Variants in SNX30 observed in about 807,000 individuals in gnomAD.
The protein encoded by SNX30 is sorting nexin-30.
Under a neutral mutation model 46.4 loss-of-function variants are expected in SNX30, and 24 were observed. The ratio of observed to expected loss-of-function variants is 0.52; its 90% confidence interval spans 0.37 to 0.73. The LOEUF (loss-of-function observed/expected upper bound fraction) is 0.73. Among genes scored for constraint, SNX30 ranks in the 30% least tolerant of loss-of-function variants. The pLI, the probability that SNX30 is intolerant of heterozygous loss-of-function variation, is 0.00. For missense variants in SNX30, 533 were observed against 555.7 expected, an observed-to-expected ratio of 0.96 and a Z score of 0.41; for synonymous variants, 189 against 211.5, an observed-to-expected ratio of 0.89 and a Z score of 0.92.
At chr9:112,774,198 C>T (rs986326354) in intron 1 of SNX30, among the ~76,000 whole-genome samples, 1 of 152,010 alleles carries the variant, frequency 6.6e-6, no homozygotes, top group Non-Finnish European at 1.5e-5. Flanking sequence ...TTCTGTTTCT[C>T]TTCTTCTACC....
In SNX30 at chr9:112,864,228, G is replaced by A. The variant is rs780000058; in HGVS notation, c.1102-19G>A. 4.4e-5 allele frequency: 71 copies of A among 1,613,064 alleles called. No individual in the cohort carries two copies. Among genetic ancestry groups the A allele is most frequent in the Admixed American group, 3.5e-4 (21 of 60,004 alleles). ...CCAGTTTTGTGTGCAGGGCACCCATGTGTGCCTCCCTTTTCCAGGTACCGG... is the reference window on the plus strand; with the variant it reads ...CCAGTTTTGTGTGCAGGGCACCCATATGTGCCTCCCTTTTCCAGGTACCGG... On this transcript the variant is annotated intron_variant, in intron 7 of 8. Transcript: ENST00000374232.
Position 112,838,500 on chromosome 9 carries a change from T to C in SNX30, c.817T>C (p.Tyr273His). ...AQRIIKEEIEYLVELREYGPV... is the reference protein window; with the variant it reads ...AQRIIKEEIEHLVELREYGPV... Reference sequence around the variant, plus strand: ...ATTAGTTTCTGTTCCCTGTTCAGAGTACCTTGTGGAGCTGAGAGAATACGG... The same window carrying C: ...ATTAGTTTCTGTTCCCTGTTCAGAGCACCTTGTGGAGCTGAGAGAATACGG... Residue 273 changes from tyrosine to histidine, a missense_variant and splice_region_variant, in exon 6 of 9, where the codon TAC becomes CAC. By Grantham distance (83) the Tyr-to-His change is moderately conservative. Transcript: ENST00000374232. 1 of 1,608,704 alleles carries C rather than the reference T, an allele frequency of 6.2e-7. No individual in the cohort carries two copies. Among genetic ancestry groups the C allele is most frequent in the Non-Finnish European group, 8.5e-7 (1 of 1,176,826 alleles).
intron 1 of SNX30, among the ~76,000 whole-genome samples, chr9:112,797,895 G>A (rs1201082870): frequency 1.0e-5 from 1 of 98,190 alleles, no homozygotes; most frequent in African/African-American, 3.7e-5. Context: ...TTTTTTTTTA[G>A]TAGAGACGAT....
chr9:112,845,980 A>G (rs10981527), intron 6 of SNX30, among the ~76,000 whole-genome samples: 2,661 of 152,326 alleles, frequency 0.017, 60 homozygotes, highest in East Asian at 0.12. Flanking sequence ...ATATTTTCCA[A>G]AAGAGAAGAT....
At chr9:112,796,930 C>T (rs1840116734) in intron 1 of SNX30, among the ~76,000 whole-genome samples, 1 of 152,134 alleles carries the variant, frequency 6.6e-6, no homozygotes, top group African/African-American at 2.4e-5. Flanking sequence ...AACTCACCTG[C>T]AAAACTCCAA....
At chr9:112,757,206 T>C (rs1425877666) in intron 1 of SNX30, among the ~76,000 whole-genome samples, 1 of 152,234 alleles carries the variant, frequency 6.6e-6, no homozygotes, top group East Asian at 1.9e-4. Context: ...TATATTTGAA[T>C]TTTTTTAAAG....
At chr9:112,875,287 C>T (rs1006649605), downstream of SNX30, 3 of 152,192 alleles carry the variant, frequency 2.0e-5, no homozygotes, top group African/African-American at 7.2e-5. Flanking sequence ...CGACAGCCAG[C>T]TGAGGTATTT....
intron 7 of SNX30, among the ~76,000 whole-genome samples, chr9:112,860,748 A>T (rs1841212318): frequency 6.6e-6 from 1 of 152,232 alleles, no homozygotes; most frequent in Non-Finnish European, 1.5e-5. Context: ...GAGAACATAT[A>T]ATAATATAGT....
At chr9:112,787,272 A>G (rs1026360191) in intron 1 of SNX30, among the ~76,000 whole-genome samples, 6 of 152,242 alleles carry the variant, frequency 3.9e-5, no homozygotes, top group African/African-American at 1.4e-4. Flanking sequence ...AGTACTGTAC[A>G]GGGAGAACCT....
At chr9:112,769,028 G>A (rs867090447) in intron 1 of SNX30, among the ~76,000 whole-genome samples, 3 of 152,294 alleles carry the variant, frequency 2.0e-5, no homozygotes, top group South Asian at 4.1e-4. Context: ...TTCACTATCA[G>A]ACAAGCATGC....
intron 1 of SNX30, among the ~76,000 whole-genome samples, chr9:112,803,967 G>C (rs1170900240): frequency 1.5e-5 from 2 of 132,422 alleles, no homozygotes; most frequent in African/African-American, 5.7e-5. Context: ...CGCTTCCCAG[G>C]TGAGGCAATG....
At chr9:112,762,126 T>C (rs112311727) in intron 1 of SNX30, among the ~76,000 whole-genome samples, 3 of 152,266 alleles carry the variant, frequency 2.0e-5, no homozygotes, top group African/African-American at 7.2e-5. Flanking sequence ...TACTAGACAT[T>C]AGAGGACTCA....
chr9:112,873,382 C>T lies in SNX30; in HGVS notation c.*4539C>T, dbSNP rs1049586257. The T allele has an allele frequency of 6.6e-6, 1 of 152,148 alleles. No individual in the cohort carries two copies. The highest frequency in any genetic ancestry group is 1.9e-4 in the East Asian group (1 of 5,198). 9.4% of individuals were successfully genotyped at this position (152,148 alleles called of 1,614,324 possible). A position where few individuals can be genotyped will look rare whatever the true frequency, so the allele number is the denominator to read the frequency against. ...AACTCTACTTTTTTGAGAATTTGTC[C>T]GTACCTACTAATATGCCTTATTCTT... On this transcript the variant is annotated 3_prime_UTR_variant, in exon 9 of 9. Coordinates refer to ENST00000374232, the MANE Select transcript of SNX30 (RefSeq NM_001012994.2).
chr9:112,828,117 A>T (rs576651126), intron 3 of SNX30, among the ~76,000 whole-genome samples: 16 of 152,386 alleles, frequency 1.0e-4, no homozygotes, highest in African/African-American at 3.8e-4. Context: ...CTAAACATAC[A>T]TCAATATGGA....
intron 7 of SNX30, among the ~76,000 whole-genome samples, chr9:112,851,864 T>C (rs960836633): frequency 7.2e-5 from 11 of 152,194 alleles, no homozygotes; most frequent in African/African-American, 2.7e-4. Flanking sequence ...CTGGGTGGGA[T>C]TGCAGAACTG....
intron 1 of SNX30, among the ~76,000 whole-genome samples, chr9:112,780,712 T>G (rs1049153003): frequency 6.6e-6 from 1 of 152,170 alleles, no homozygotes; most frequent in Admixed American, 6.5e-5. Context: ...CTACCTTGGG[T>G]GATTTTGAGG....
intron 1 of SNX30, among the ~76,000 whole-genome samples, chr9:112,759,652 C>T (rs538207049): frequency 4.0e-5 from 6 of 151,854 alleles, no homozygotes; most frequent in South Asian, 2.1e-4. Flanking sequence ...TCGCTTGAAC[C>T]GGGGAGGTGG....
At position 112,819,272 on chromosome 9, in the gene SNX30, T is replaced by TTC. The variant is rs1840454622; in HGVS notation, c.459+1458_459+1459insCT. On this transcript the variant is annotated intron_variant, in intron 3 of 8. Transcript: ENST00000374232. ...TTTTTATTTTTCTTTCTTTCTTTTT[T>TTC]TTTTTTTTTTTTGAGATGAAGTTTA... Among the ~76,000 whole-genome samples, 2 of 146,424 alleles carry TTC rather than the reference T, an allele frequency of 1.4e-5. 1 individual carries two copies. Among genetic ancestry groups the TTC allele is most frequent in the Admixed American group, 1.4e-4 (2 of 14,774 alleles).
At chr9:112,880,793 T>G (rs1013525002) in intron 5 of SNX30, among the ~76,000 whole-genome samples, 1 of 152,206 alleles carries the variant, frequency 6.6e-6, no homozygotes, top group Non-Finnish European at 1.5e-5. Context: ...AGACTGAAAT[T>G]TTTTTATCCA....
Sources: gnomAD v4.1 joint callset for allele counts (sites outside exome capture counted in the v4.1 genomes callset) on GRCh38, gnomAD v4.1.1 for gene constraint, MANE v1.5 for transcripts, NCBI Gene and HGNC (gene_info 2026-07-23, HGNC 2026-07-21) for gene names.